The following AGXT2 variants were observed in gnomAD, a reference collection of about 807,000 sequenced individuals.
AGXT2 encodes alanine--glyoxylate aminotransferase 2, mitochondrial.
Under a neutral mutation model 62.5 loss-of-function variants are expected in AGXT2, and 61 were observed. That is an observed-to-expected ratio of 0.98 (90% confidence interval 0.79 to 1.21). The LOEUF (loss-of-function observed/expected upper bound fraction) is 1.21. Ranked by LOEUF, AGXT2 falls within the 50% of genes most tolerant of loss-of-function variation. The pLI is 0.00. For synonymous variants in AGXT2, 243 were observed against 218.7 expected (o/e 1.11, Z -0.98); for missense variants, 666 against 641.5 (o/e 1.04, Z -0.41).
intron 13 of AGXT2, among the ~76,000 whole-genome samples, chr5:35,000,376 C>T (rs1286071671): frequency 1.3e-5 from 2 of 151,918 alleles, no homozygotes; most frequent in Non-Finnish European, 1.5e-5. Context: ...ATTATTATTA[C>T]TGTTATTATT....
At chr5:35,030,888 G>T (rs1243327123) in intron 7 of AGXT2, among the ~76,000 whole-genome samples, 1 of 152,188 alleles carries the variant, frequency 6.6e-6, no homozygotes, top group East Asian at 1.9e-4. Context: ...ACCAGGCATT[G>T]CTATGGTCTG....
intron 12 of AGXT2, among the ~76,000 whole-genome samples, chr5:35,008,020 C>T (rs138824837): frequency 1.2e-4 from 19 of 152,266 alleles, no homozygotes; most frequent in South Asian, 1.0e-3. Context: ...CCTTCCACCA[C>T]GAACAGAAGC....
chr5:35,040,780 T>C, intron 1 of AGXT2, 117 bp from the exon 2 acceptor site: 1 of 827,294 alleles, frequency 1.2e-6, no homozygotes, highest in African/African-American at 1.7e-5. Context: ...AGTTAAAAAA[T>C]CATGCTAATC....
Position 35,032,783 on chromosome 5 carries a change from G to C in AGXT2, c.718C>G (p.His240Asp). Residue 240 changes from histidine (H) to aspartate (D), a missense_variant, in exon 7 of 14, where the codon CAC becomes GAC. His to Asp is a moderately conservative substitution (Grantham distance 81, BLOSUM62 -1). Coordinates refer to ENST00000231420, the MANE Select transcript of AGXT2 (RefSeq NM_031900.4). ...DVFRGPWGGS[H>D]CRDSPVQTIR... ...GTTTGCACTGGAGAATCTCGACAGT[G>C]GCTTCCTCCCCAAGGGCCACGAAAA... is the stretch of plus-strand genomic sequence containing the variant. The C allele has an allele frequency of 6.2e-7, 1 of 1,609,504 alleles. No homozygotes were observed. Among genetic ancestry groups the C allele is most frequent in the Non-Finnish European group, 8.5e-7 (1 of 1,177,948 alleles).
At position 35,025,845 on chromosome 5, in the gene AGXT2, C is replaced by G. The variant is rs772512273; in HGVS notation, c.881G>C (p.Gly294Ala). The change falls in exon 9 of 14, where the codon GGA (glycine) becomes GCA (alanine). Residue 294 changes from glycine to alanine, a missense_variant. Coordinates refer to ENST00000231420, the MANE Select transcript of AGXT2 (RefSeq NM_031900.4). Reference protein sequence around the residue: ...FFAEPIQGVNGVVQYPKGFLK... With the variant: ...FFAEPIQGVNAVVQYPKGFLK... ...AAACCCCTTTGGGTACTGGACAACT[C>G]CATTCACACCCTGCAAAAGACCAGA... is the stretch of plus-strand genomic sequence containing the variant. The G allele has an allele frequency of 4.3e-6, 7 of 1,613,996 alleles. No homozygotes were observed. The highest frequency in any genetic ancestry group is 5.9e-6 in the Non-Finnish European group (7 of 1,179,990).
At chr5:35,000,516 G>T (rs1438276817) in intron 13 of AGXT2, among the ~76,000 whole-genome samples, 1 of 152,118 alleles carries the variant, frequency 6.6e-6, no homozygotes, top group Non-Finnish European at 1.5e-5. Context: ...GAGTAGCAGG[G>T]ATTACAGGTG....
At chr5:35,032,501 C>T (rs1400453744) in intron 7 of AGXT2, among the ~76,000 whole-genome samples, 1 of 152,152 alleles carries the variant, frequency 6.6e-6, no homozygotes, top group Non-Finnish European at 1.5e-5. Context: ...GCTCTGATAG[C>T]GTGAGATGCT....
intron 1 of AGXT2, among the ~76,000 whole-genome samples, chr5:35,045,429 C>A (rs1006720839): frequency 6.6e-6 from 1 of 152,140 alleles, no homozygotes; most frequent in Non-Finnish European, 1.5e-5. Context: ...CATATTCACA[C>A]ACATATATAT....
Position 35,037,019 on chromosome 5 carries a change from T to C in AGXT2, c.409A>G (p.Thr137Ala), listed in dbSNP as rs150089688. Residue 137 changes from threonine (T) to alanine (A), a missense_variant, in exon 4 of 14, where the codon ACA (threonine) becomes GCA (alanine). Coordinates refer to ENST00000231420, the MANE Select transcript of AGXT2 (RefSeq NM_031900.4). ...GGAGGGTGGAAGAAGACGGTGCTTGTATGCCACAGGCGGCCGAGCTGCTTT... is the reference window on the plus strand; with the variant it reads ...GGAGGGTGGAAGAAGACGGTGCTTGCATGCCACAGGCGGCCGAGCTGCTTT... ...AQKQLGRLWH[T>A]STVFFHPPMH... 6.2e-7 allele frequency: 1 copy of C among 1,614,220 alleles called. No individual in the cohort carries two copies. The highest frequency in any genetic ancestry group is 1.3e-5 in the African/African-American group (1 of 75,076).
At chr5:35,026,820 T>C in intron 7 of AGXT2, 1 of 982,450 alleles carries the variant, frequency 1.0e-6, no homozygotes, top group Non-Finnish European at 1.2e-6. Context: ...TATAGATAGC[T>C]GTTTCACCTA....
At chr5:35,025,880 C>T in intron 8 of AGXT2, 25 bp from the exon 9 acceptor site, 5 of 1,596,658 alleles carry the variant, frequency 3.1e-6, no homozygotes, top group South Asian at 1.1e-5. Context: ...ACCAAGAAGA[C>T]CTATAATAAT....
intron 9 of AGXT2, among the ~76,000 whole-genome samples, chr5:35,017,031 C>T (rs899421967): frequency 1.3e-5 from 2 of 152,138 alleles, no homozygotes; most frequent in African/African-American, 4.8e-5. Flanking sequence ...AACTTTAATC[C>T]AGATTCCACA....
chr5:35,028,367 A>T (rs1039613308), intron 7 of AGXT2, among the ~76,000 whole-genome samples: 8 of 152,074 alleles, frequency 5.3e-5, no homozygotes, highest in East Asian at 1.9e-4. Context: ...CTGCTTAAAG[A>T]TACTAGAAAC....
rs141001750 is a variant in AGXT2, at chr5:35,033,284, G to A, written c.675+176C>T. 143 of 631,076 alleles carry A rather than the reference G, an allele frequency of 2.3e-4. 1 individual carries two copies. Among genetic ancestry groups the A allele is most frequent in the African/African-American group, 2.3e-3 (123 of 54,502 alleles). The allele number at this position is 631,076 out of a possible 1,614,324, so 39.1% of individuals were successfully genotyped here. A position where few individuals can be genotyped will look rare whatever the true frequency, so the allele number is the denominator to read the frequency against. Reference sequence around the variant, plus strand: ...CTGTCATTAATTATTACTCAGACTCGGAAGGCCTTTCTAATGGTGTCCTCA... The same window carrying A: ...CTGTCATTAATTATTACTCAGACTCAGAAGGCCTTTCTAATGGTGTCCTCA... On this transcript the variant is annotated intron_variant, in intron 6 of 13. Coordinates refer to ENST00000231420, the MANE Select transcript of AGXT2 (RefSeq NM_031900.4).
At chr5:35,032,592 T>C in intron 7 of AGXT2, 140 bp downstream of exon 7, 1 of 768,164 alleles carries the variant, frequency 1.3e-6, no homozygotes, top group Non-Finnish European at 2.3e-6. Context: ...ATAACTTGGT[T>C]ACTTTCCAGT....
intron 3 of AGXT2, among the ~76,000 whole-genome samples, chr5:35,038,593 G>A (rs1418658535): frequency 6.6e-6 from 1 of 152,170 alleles, no homozygotes; most frequent in Non-Finnish European, 1.5e-5. Context: ...TGCCTGAGGG[G>A]GGGGACTCTT....
intron 12 of AGXT2, among the ~76,000 whole-genome samples, chr5:35,005,012 G>A (rs1051545680): frequency 6.6e-6 from 1 of 152,186 alleles, no homozygotes; most frequent in Non-Finnish European, 1.5e-5. Flanking sequence ...GGATCAGAAA[G>A]GACCTGAGGG....
chr5:35,043,321 C>A (rs1768058037), intron 1 of AGXT2, among the ~76,000 whole-genome samples: 1 of 152,048 alleles, frequency 6.6e-6, no homozygotes, highest in Non-Finnish European at 1.5e-5. Context: ...AAAAAAGATT[C>A]TAAAATATTT....
chr5:35,042,327 CAAGGAAGAAAGAA>C (rs370604655), intron 1 of AGXT2, among the ~76,000 whole-genome samples: 33 of 150,636 alleles, frequency 2.2e-4, no homozygotes, highest in African/African-American at 7.8e-4. Context: ...TGAAATTCTG[CAAGGAAGAAAGAA>C]GAGGAAGAAA....
Sources: allele counts gnomAD v4.1 joint callset (sites outside exome capture counted in the v4.1 genomes callset), GRCh38; gene constraint gnomAD v4.1.1; transcripts MANE v1.5; gene names NCBI Gene and HGNC (gene_info 2026-07-23, HGNC 2026-07-21).